Variants in BTBD1 observed in about 807,000 individuals in gnomAD.
BTBD1 encodes BTB domain containing 1, also known as BTB/POZ domain-containing protein 1.
Under a neutral mutation model 48.0 loss-of-function variants are expected in BTBD1, and 34 were observed. The ratio of observed to expected loss-of-function variants is 0.71; its 90% CI spans 0.54 to 0.94. The LOEUF (loss-of-function observed/expected upper bound fraction) is 0.94. Among genes scored for constraint, BTBD1 ranks in the 40% least tolerant of loss-of-function variants. The pLI is 0.00. For missense variants in BTBD1, 543 were observed against 625.6 expected, an observed-to-expected ratio of 0.87 and a Z score of 1.41; for synonymous variants, 261 against 242.1, an observed-to-expected ratio of 1.08 and a Z score of -0.72.
chr15:83,043,046 G>C (rs2032798772), intron 3 of BTBD1, among the ~76,000 whole-genome samples: 1 of 152,200 alleles, frequency 6.6e-6, no homozygotes, highest in Non-Finnish European at 1.5e-5. Flanking sequence ...AGGAGGCTGA[G>C]ACAGCAGGAT....
intron 4 of BTBD1, chr15:83,030,818 A>G (rs2032501599): frequency 6.6e-6 from 1 of 152,404 alleles, no homozygotes; most frequent in African/African-American, 2.4e-5. Context: ...TAATCAGCAG[A>G]GCAAACAGAC....
chr15:83,025,482 A>AAT (rs1164066723), intron 5 of BTBD1, among the ~76,000 whole-genome samples: 7 of 151,970 alleles, frequency 4.6e-5, no homozygotes, highest in Admixed American at 4.6e-4. Context: ...TGTCCTTATT[A>AAT]AAGTCTGATT....
chr15:83,058,057 C>T (rs1051890214), intron 1 of BTBD1, among the ~76,000 whole-genome samples: 13 of 152,374 alleles, frequency 8.5e-5, no homozygotes, highest in African/African-American at 3.1e-4. Flanking sequence ...AAAAGCCTGT[C>T]CATTGTCATG....
At chr15:83,043,246 A>T (rs2032802667) in intron 3 of BTBD1, among the ~76,000 whole-genome samples, 1 of 152,226 alleles carries the variant, frequency 6.6e-6, no homozygotes, top group Admixed American at 6.5e-5. Context: ...CTAGAGGAAT[A>T]GTATTCCAGG....
intron 5 of BTBD1, 79 bp downstream of exon 5, chr15:83,030,057 A>G (rs2032485148): frequency 3.8e-6 from 4 of 1,057,898 alleles, no homozygotes; most frequent in South Asian, 1.3e-5. Flanking sequence ...TTGGTTAATT[A>G]TCTCCCATAA....
intron 6 of BTBD1, among the ~76,000 whole-genome samples, chr15:83,019,216 C>T (rs913135862): frequency 2.6e-5 from 4 of 151,922 alleles, no homozygotes; most frequent in African/African-American, 4.8e-5. Flanking sequence ...TGCGCGACCA[C>T]ACCTGGCTAA....
chr15:83,044,173 A>T (rs1385736889), intron 3 of BTBD1, among the ~76,000 whole-genome samples: 1 of 152,214 alleles, frequency 6.6e-6, no homozygotes, highest in Non-Finnish European at 1.5e-5. Context: ...GTACAATAAT[A>T]ATGTAACTGA....
chr15:83,063,556 A>G (rs1203451633), intron 1 of BTBD1, among the ~76,000 whole-genome samples: 1 of 152,092 alleles, frequency 6.6e-6, no homozygotes, highest in African/African-American at 2.4e-5. Flanking sequence ...TTTTACTCCA[A>G]CCACTGCCAG....
chr15:83,061,364 C>T (rs1041787312), intron 1 of BTBD1: 1 of 152,184 alleles, frequency 6.6e-6, no homozygotes, highest in Non-Finnish European at 1.5e-5. Context: ...TAGTCTGGTA[C>T]TGAAATGATT....
intron 4 of BTBD1, among the ~76,000 whole-genome samples, chr15:83,034,955 CAAA>C (rs2032596665): frequency 6.6e-6 from 1 of 152,142 alleles, no homozygotes; most frequent in African/African-American, 2.4e-5. Context: ...CTGCACATAA[CAAA>C]GAAGAATACA....
chr15:83,050,289 A>G, intron 2 of BTBD1, 111 bp from the exon 3 acceptor site: 2 of 586,698 alleles, frequency 3.4e-6, no homozygotes. Flanking sequence ...ATGTAAAAAT[A>G]TCTACTTAAA....
At chr15:83,060,789 T>C (rs995820132) in intron 1 of BTBD1, among the ~76,000 whole-genome samples, 4 of 152,226 alleles carry the variant, frequency 2.6e-5, no homozygotes, top group African/African-American at 9.6e-5. Context: ...TGAAACTCTA[T>C]CTCAAAAAAT....
In BTBD1 at chr15:83,052,807, T is replaced by G. The variant is rs1382523101; in HGVS notation, c.559-2629A>C. Among the ~76,000 whole-genome samples the G allele has an allele frequency of 9.1e-5, 13 of 143,304 alleles. 1 individual carries two copies. Among genetic ancestry groups the G allele is most frequent in the East Asian group, 2.0e-4 (1 of 5,076 alleles). 94.0% of individuals were successfully genotyped at this position (143,304 alleles called of 152,430 possible). On this transcript the variant is annotated intron_variant, in intron 2 of 7. Coordinates refer to ENST00000261721, the MANE Select transcript of BTBD1 (RefSeq NM_025238.4). The stretch of plus-strand genomic sequence containing the variant: ...CACCTCGCCCGGCTAATTTTTTTTT[T>G]TTTTTTTTTTTTTTAGTAGAGACGG...
chr15:83,066,621 A>G, intron 1 of BTBD1, 130 bp downstream of exon 1: 1 of 998,792 alleles, frequency 1.0e-6, no homozygotes, highest in Non-Finnish European at 1.3e-6. Context: ...GAGGAAACTG[A>G]GGCCCCGGGC....
At chr15:83,050,826 C>G (rs1015340442) in intron 2 of BTBD1, among the ~76,000 whole-genome samples, 8 of 151,962 alleles carry the variant, frequency 5.3e-5, no homozygotes, top group Non-Finnish European at 1.0e-4. Context: ...GAATATTATA[C>G]AACAATGAGA....
In BTBD1 at chr15:83,030,125, A is replaced by G. The variant is rs1037223157; in HGVS notation, c.1055+11T>C. ...CCCACTCTACCCCCGCATCCCCAAT[A>G]TAACAGATACCTGATTCGATCACTC... On this transcript the variant is annotated intron_variant, in intron 5 of 7. Transcript: ENST00000261721. 1.2e-5 allele frequency: 20 copies of G among 1,613,504 alleles called. No individual in the cohort carries two copies. Among genetic ancestry groups the G allele is most frequent in the African/African-American group, 4.0e-5 (3 of 74,900 alleles).
intron 2 of BTBD1, among the ~76,000 whole-genome samples, chr15:83,052,797 A>ATTTTTTTTTTTTT (rs398028150): frequency 3.2e-5 from 3 of 94,540 alleles, no homozygotes; most frequent in Non-Finnish European, 4.1e-5. Context: ...CGCCCGGCTA[A>ATTTTTTTTTTTTT]TTTTTTTTTT....
intron 1 of BTBD1, among the ~76,000 whole-genome samples, chr15:83,063,488 C>T (rs1017036103): frequency 6.6e-6 from 1 of 152,206 alleles, no homozygotes; most frequent in Non-Finnish European, 1.5e-5. Context: ...GTACAATTCA[C>T]CATCGCCTCT....
At chr15:83,031,583 ACACTTGGACAC>A (rs2032516700) in intron 4 of BTBD1, among the ~76,000 whole-genome samples, 1 of 152,196 alleles carries the variant, frequency 6.6e-6, no homozygotes, top group Non-Finnish European at 1.5e-5. Context: ...AACAGTGAGA[ACACTTGGACAC>A]AGGAAGGGGA....
Sources: gnomAD v4.1 joint callset for allele counts (sites outside exome capture counted in the v4.1 genomes callset) on GRCh38, gnomAD v4.1.1 for gene constraint, MANE v1.5 for transcripts, NCBI Gene and HGNC (gene_info 2026-07-23, HGNC 2026-07-21) for gene names.